The following CNTNAP3B variants were observed in gnomAD, a reference collection of about 807,000 sequenced individuals.
The protein encoded by CNTNAP3B is contactin-associated protein-like 3B.
In CNTNAP3B, 25 loss-of-function variants were observed where a neutral mutation model predicts 108.9. That is an observed-to-expected ratio of 0.23 (90% CI 0.17 to 0.32). The LOEUF (loss-of-function observed/expected upper bound fraction) is 0.32, where lower values mean the gene tolerates loss of function less well. Ranked by LOEUF, CNTNAP3B falls within the 10% of genes least tolerant of loss-of-function variation. CNTNAP3B has a pLI of 1.00. For synonymous variants in CNTNAP3B, 103 were observed against 473.4 expected (o/e 0.22, Z 10.16); for missense variants, 252 against 1,210.4 (o/e 0.21, Z 11.75).
chr9:41,969,953 A>C, intron 10 of CNTNAP3B, 121 bp downstream of exon 10: 3 of 1,388,508 alleles, frequency 2.2e-6, no homozygotes, highest in Non-Finnish European at 2.9e-6. Context: ...TGACTATTTC[A>C]TTCCCTCTCG....
At chr9:41,943,445 T>C (rs1215775039) in intron 13 of CNTNAP3B, among the ~76,000 whole-genome samples, 1 of 149,700 alleles carries the variant, frequency 6.7e-6, no homozygotes, top group African/African-American at 2.5e-5. Context: ...CTCCGCCTCC[T>C]GGGTTCACGC....
intron 15 of CNTNAP3B, among the ~76,000 whole-genome samples, chr9:41,927,988 T>C (rs966651338): frequency 1.4e-5 from 2 of 145,288 alleles, no homozygotes; most frequent in African/African-American, 2.7e-5. Context: ...ATAAAAACCA[T>C]TTTTTCTTAA....
intron 10 of CNTNAP3B, among the ~76,000 whole-genome samples, chr9:41,966,763 C>G (rs1472291361): frequency 6.6e-6 from 1 of 151,854 alleles, no homozygotes; most frequent in Non-Finnish European, 1.5e-5. Flanking sequence ...GTCAGGAGAT[C>G]GAGACCATCC....
chr9:41,913,754 G>A (rs1218306591), intron 18 of CNTNAP3B, among the ~76,000 whole-genome samples: 4 of 127,122 alleles, frequency 3.1e-5, no homozygotes, highest in African/African-American at 1.3e-4. Flanking sequence ...TAGTAAACAT[G>A]AAGTTATATA....
In CNTNAP3B at chr9:42,127,463, T is replaced by C. The variant is rs1427114918; in HGVS notation, c.85+1547A>G. Among the ~76,000 whole-genome samples, 2 of 139,668 alleles carry C rather than the reference T, an allele frequency of 1.4e-5. 1 individual carries two copies. Among genetic ancestry groups the C allele is most frequent in the Non-Finnish European group, 3.1e-5 (2 of 65,002 alleles). The allele number at this position is 139,668 out of a possible 152,430, so 91.6% of individuals were successfully genotyped here. A position where few individuals can be genotyped will look rare whatever the true frequency, so the allele number is the denominator to read the frequency against. The stretch of plus-strand genomic sequence containing the variant: ...TTTCATTTTTCTCCAGGAAGGTCTT[T>C]TTGAAGCCCTGTTTATTCAATAGTA... On this transcript the variant is annotated intron_variant, in intron 1 of 23. Coordinates refer to ENST00000377561, the MANE Select transcript of CNTNAP3B (RefSeq NM_001201380.3).
chr9:41,934,422 T>G (rs2118033407), intron 14 of CNTNAP3B, among the ~76,000 whole-genome samples: 1 of 152,362 alleles, frequency 6.6e-6, no homozygotes, highest in South Asian at 2.1e-4. Context: ...GGGTTTCACC[T>G]GTGTTAGCCA....
intron 2 of CNTNAP3B, among the ~76,000 whole-genome samples, chr9:42,103,435 A>T (rs1252923560): frequency 4.2e-5 from 5 of 120,292 alleles, no homozygotes; most frequent in Non-Finnish European, 8.4e-5. Context: ...AAAAAAAAAA[A>T]AAGGCTGGGC....
At chr9:42,122,737 TG>T (rs879931684) in intron 1 of CNTNAP3B, among the ~76,000 whole-genome samples, 1 of 137,820 alleles carries the variant, frequency 7.3e-6, no homozygotes, top group Admixed American at 7.3e-5. Context: ...GAAACCCAAC[TG>T]GGAGACACCT....
chr9:41,972,473 C>A (rs1195966823), intron 9 of CNTNAP3B, among the ~76,000 whole-genome samples: 1 of 135,006 alleles, frequency 7.4e-6, no homozygotes, highest in Non-Finnish European at 1.6e-5. Flanking sequence ...CTAAAAGTTC[C>A]ATAAAAATTA....
chr9:42,019,754 C>A (rs1271153910), intron 3 of CNTNAP3B, among the ~76,000 whole-genome samples: 5 of 127,272 alleles, frequency 3.9e-5, no homozygotes, highest in South Asian at 2.6e-4. Context: ...GAGTGAGACT[C>A]TATCTCAAAA....
intron 14 of CNTNAP3B, among the ~76,000 whole-genome samples, chr9:41,930,942 A>G (rs1266052381): frequency 6.6e-6 from 1 of 152,250 alleles, no homozygotes; most frequent in Non-Finnish European, 1.5e-5. Flanking sequence ...GCTTATATTT[A>G]TATACTTTTG....
chr9:42,056,497 C>G (rs1311503567), intron 3 of CNTNAP3B, among the ~76,000 whole-genome samples: 1 of 137,316 alleles, frequency 7.3e-6, no homozygotes, highest in South Asian at 2.4e-4. Context: ...ACTACAGGCG[C>G]CCGCCACCAC....
At chr9:41,939,292 G>A (rs1319923162) in intron 13 of CNTNAP3B, among the ~76,000 whole-genome samples, 1 of 152,296 alleles carries the variant, frequency 6.6e-6, no homozygotes, top group Admixed American at 6.5e-5. Context: ...AAATGAAATT[G>A]GATTAACTCA....
chr9:42,116,716 G>T (rs1828327060), intron 1 of CNTNAP3B, among the ~76,000 whole-genome samples: 1 of 139,744 alleles, frequency 7.2e-6, no homozygotes, highest in African/African-American at 2.8e-5. Context: ...CCAATTAAAA[G>T]ACACAGAGTG....
At chr9:42,011,965 T>C (rs1188580054) in intron 4 of CNTNAP3B, among the ~76,000 whole-genome samples, 2 of 98,018 alleles carry the variant, frequency 2.0e-5, no homozygotes, top group Non-Finnish European at 4.3e-5. Context: ...GCCAACAGCA[T>C]GTGTTTACAG....
chr9:42,041,924 A>G (rs1228832599), intron 3 of CNTNAP3B, among the ~76,000 whole-genome samples: 28 of 141,120 alleles, frequency 2.0e-4, no homozygotes, highest in African/African-American at 7.2e-4. Flanking sequence ...TGATGAGTTC[A>G]TGTCCTTTGT....
rs557280069 is a variant in CNTNAP3B at position 42,097,121 on chromosome 9, T to A, written c.196+7508A>T. 5.3e-4 allele frequency among the ~76,000 whole-genome samples: 74 copies of A among 140,114 alleles called. 8 individuals are homozygous for A. The South Asian group carries it at 0.016, about 30-fold the overall frequency. 91.9% of individuals were successfully genotyped at this position (140,114 alleles called of 152,430 possible). ...GCTGTGTGGATCCAATATCTGCTTC[T>A]CTTTCACTCATAAAATTCACCAAGT... On this transcript the variant is annotated intron_variant, in intron 2 of 23. Coordinates refer to ENST00000377561, the MANE Select transcript of CNTNAP3B (RefSeq NM_001201380.3).
chr9:41,952,501 C>T (rs1232061768), intron 13 of CNTNAP3B, among the ~76,000 whole-genome samples: 5 of 152,248 alleles, frequency 3.3e-5, no homozygotes, highest in African/African-American at 1.2e-4. Context: ...TGGAGAGCAG[C>T]GGTGAGTCCT....
intron 1 of CNTNAP3B, among the ~76,000 whole-genome samples, chr9:42,109,297 C>T (rs1445962515): frequency 6.8e-6 from 1 of 146,694 alleles, no homozygotes; most frequent in East Asian, 2.0e-4. Context: ...AGGGAAGCAT[C>T]TTAATTGCTT....
Sources: gnomAD v4.1 joint callset for allele counts (sites outside exome capture counted in the v4.1 genomes callset) on GRCh38, gnomAD v4.1.1 for gene constraint, MANE v1.5 for transcripts, NCBI Gene and HGNC (gene_info 2026-07-23, HGNC 2026-07-21) for gene names.